The following CMYA5 variants were observed in gnomAD, a reference collection of about 807,000 sequenced individuals.
CMYA5 encodes the protein cardiomyopathy associated 5, also known as cardiomyopathy-associated protein 5.
In CMYA5, 246 loss-of-function variants were observed where a neutral mutation model predicts 318.9. The ratio of observed to expected loss-of-function variants is 0.77; its 90% confidence interval spans 0.70 to 0.86. The LOEUF is 0.86. Ranked by LOEUF, CMYA5 falls within the 40% of genes least tolerant of loss-of-function variation. CMYA5 has a pLI of 0.00. For synonymous variants in CMYA5, 1,641 were observed against 1,729.5 expected, an observed-to-expected ratio of 0.95 and a Z score of 1.27; for missense variants, 4,589 against 4,678.2, an observed-to-expected ratio of 0.98 and a Z score of 0.56.
At chr5:79,768,270 CT>C (rs1268197667) in intron 9 of CMYA5, among the ~76,000 whole-genome samples, 18 of 152,072 alleles carry the variant, frequency 1.2e-4, no homozygotes, top group African/African-American at 4.3e-4. Flanking sequence ...CAGTCTGTGT[CT>C]TTTAATTGGG....
rs1432635341 is a variant in CMYA5, at chr5:79,732,988, A to G, written c.4223A>G (p.Asp1408Gly). 3 of 1,613,304 alleles carry G rather than the reference A, an allele frequency of 1.9e-6. 1 individual carries two copies. In the South Asian group the frequency reaches 3.3e-5, roughly 18 times the overall value. The change falls in exon 2 of 13, where the codon GAT becomes GGT. Residue 1408 changes from aspartate (D) to glycine (G), a missense_variant. This residue lies in a region of CMYA5 where 2,132 missense variants were observed against 2,131.3 expected (regional missense o/e 1.00). Transcript: ENST00000446378. The stretch of plus-strand genomic sequence containing the variant: ...TTGCCACCACTGGTAACATCTGCAG[A>G]TGAACATTCAGTTCTTGCAGAAGAA... ...SGLPPLVTSA[D>G]EHSVLAEEDK...
At chr5:79,700,237 C>T (rs569017908) in intron 1 of CMYA5, among the ~76,000 whole-genome samples, 104 of 152,272 alleles carry the variant, frequency 6.8e-4, no homozygotes, top group Middle Eastern at 3.4e-3. Context: ...ATTCAGAAAC[C>T]CAGGCTTTAG....
rs778903751 is a variant in CMYA5 at position 79,733,435 on chromosome 5, T to C, written c.4670T>C (p.Ile1557Thr). ...SQNVSPASKH[I>T]IPKGKDEETA... is the part of the protein sequence containing the mutation. ...AATGTGTCACCTGCATCCAAACATA[T>C]AATCCCAAAAGGCAAAGATGAGGAA... The change falls in exon 2 of 13, where the codon ATA becomes ACA. Residue 1557 changes from isoleucine (I) to threonine (T), a missense_variant. This residue lies in a region of CMYA5 where 2,132 missense variants were observed against 2,131.3 expected (regional missense o/e 1.00). Coordinates refer to ENST00000446378, the MANE Select transcript of CMYA5 (RefSeq NM_153610.5). The C allele has an allele frequency of 5.0e-6, 8 of 1,613,730 alleles. No individual in the cohort carries two copies. The highest frequency in any genetic ancestry group is 5.1e-6 in the Non-Finnish European group (6 of 1,179,846).
At chr5:79,702,014 G>C (rs963586255) in intron 1 of CMYA5, among the ~76,000 whole-genome samples, 1 of 152,110 alleles carries the variant, frequency 6.6e-6, no homozygotes, top group African/African-American at 2.4e-5. Context: ...GTAGGCAGGA[G>C]AATGGCATGA....
At position 79,738,228 on chromosome 5, in the gene CMYA5, A is replaced by C. The variant is rs1253921507; in HGVS notation, c.9463A>C (p.Met3155Leu). 18 of 1,613,634 alleles carry C rather than the reference A, an allele frequency of 1.1e-5. No homozygotes were observed. Among genetic ancestry groups the C allele is most frequent in the Non-Finnish European group, 1.5e-5 (18 of 1,179,808 alleles). Residue 3155 changes from methionine to leucine, a missense_variant, in exon 2 of 13, where the codon ATG becomes CTG. Coordinates refer to ENST00000446378, the MANE Select transcript of CMYA5 (RefSeq NM_153610.5). ...AGATGTGGACTCAAAGTCACCGGGG[A>C]TGCCTTTATTTGAAGCAGAGGAAGG... is the stretch of plus-strand genomic sequence containing the variant. Reference protein sequence around the residue: ...KRDVDSKSPGMPLFEAEEGVL... With the variant: ...KRDVDSKSPGLPLFEAEEGVL...
chr5:79,699,720 G>A (rs1045323187), intron 1 of CMYA5, among the ~76,000 whole-genome samples: 1 of 152,168 alleles, frequency 6.6e-6, no homozygotes, highest in Non-Finnish European at 1.5e-5. Flanking sequence ...ACTGATAACT[G>A]CAGGAAGGGG....
At chr5:79,773,947 T>G (rs1222953192) in intron 9 of CMYA5, among the ~76,000 whole-genome samples, 1 of 152,194 alleles carries the variant, frequency 6.6e-6, no homozygotes, top group Non-Finnish European at 1.5e-5. Context: ...TAATATTAAA[T>G]CACACGCACA....
chr5:79,765,894 G>T (rs1706214063), intron 9 of CMYA5, among the ~76,000 whole-genome samples: 2 of 152,184 alleles, frequency 1.3e-5, no homozygotes, highest in Admixed American at 6.5e-5. Flanking sequence ...TTTAGGCTGA[G>T]ATGATGGGGT....
intron 9 of CMYA5, among the ~76,000 whole-genome samples, chr5:79,773,983 T>G (rs1332380748): frequency 9.2e-5 from 14 of 152,254 alleles, no homozygotes; most frequent in Non-Finnish European, 1.5e-5. Context: ...TTGGTTGTCC[T>G]CTAGATTGGA....
chr5:79,744,674 G>A (rs746780352), intron 3 of CMYA5, among the ~76,000 whole-genome samples: 1 of 152,224 alleles, frequency 6.6e-6, no homozygotes, highest in Non-Finnish European at 1.5e-5. Context: ...GTCCTTTTTA[G>A]GGAGTAAATT....
chr5:79,796,402 C>T (rs1343936823), intron 12 of CMYA5, among the ~76,000 whole-genome samples: 2 of 151,978 alleles, frequency 1.3e-5, no homozygotes, highest in East Asian at 3.8e-4. Flanking sequence ...AGAGATACAC[C>T]AGAGTACCAA....
chr5:79,700,100 C>T (rs1400479295), intron 1 of CMYA5, among the ~76,000 whole-genome samples: 1 of 152,218 alleles, frequency 6.6e-6, no homozygotes, highest in Non-Finnish European at 1.5e-5. Flanking sequence ...ATGGCAACCA[C>T]TCTTATATTT....
chr5:79,777,836 T>G (rs1828968686), intron 9 of CMYA5, among the ~76,000 whole-genome samples: 1 of 151,984 alleles, frequency 6.6e-6, no homozygotes, highest in African/African-American at 2.4e-5. Context: ...AAGAATATAA[T>G]TTAGGCCGGG....
chr5:79,746,998 G>C (rs1255654440), intron 4 of CMYA5, 93 bp from the exon 5 acceptor site: 7 of 776,986 alleles, frequency 9.0e-6, no homozygotes, highest in Non-Finnish European at 1.5e-5. Context: ...GCTCCTGGTT[G>C]TTTTTTCTTT....
chr5:79,768,245 CTT>C (rs1828790275), intron 9 of CMYA5, among the ~76,000 whole-genome samples: 1 of 152,046 alleles, frequency 6.6e-6, no homozygotes, highest in Non-Finnish European at 1.5e-5. Context: ...GGTCTTGACT[CTT>C]TATCCAATGT....
chr5:79,738,541 G>A lies in CMYA5; in HGVS notation c.9776G>A (p.Gly3259Asp). ...HDTSLTQKDQ[G>D]QGLEEKRVGK... ...ACATCTCTAACTCAAAAGGACCAGG[G>A]CCAAGGTCTGGAAGAAAAACGAGTT... The change falls in exon 2 of 13, where the codon GGC (glycine) becomes GAC (aspartate). Residue 3259 changes from glycine (G) to aspartate (D), a missense_variant. By Grantham distance (94) the Gly-to-Asp change is moderately conservative. Coordinates refer to ENST00000446378, the MANE Select transcript of CMYA5 (RefSeq NM_153610.5). The A allele has an allele frequency of 1.2e-6, 2 of 1,613,336 alleles. No individual in the cohort carries two copies. Among genetic ancestry groups the A allele is most frequent in the Non-Finnish European group, 1.7e-6 (2 of 1,179,858 alleles).
Position 79,738,434 on chromosome 5 carries a change from T to G in CMYA5, c.9669T>G (p.Phe3223Leu). ...ACAGTGTGAATTCTGAGGCATCATT[T>G]CCCAGCAGAAATTCTGACACTGATG... ...EGDSVNSEAS[F>L]PSRNSDTDDG... is the part of the protein sequence containing the mutation. The change falls in exon 2 of 13, where the codon TTT (phenylalanine) becomes TTG (leucine). Residue 3223 changes from phenylalanine (F) to leucine (L), a missense_variant. Around this residue, in one of 3 missense-constraint regions of CMYA5, gnomAD observed 2,431 missense variants for 2,495.1 expected, o/e 0.97. Transcript: ENST00000446378. 6.2e-7 allele frequency: 1 copy of G among 1,613,722 alleles called. No homozygotes were observed. The highest frequency in any genetic ancestry group is 1.3e-5 in the African/African-American group (1 of 75,020).
In CMYA5 at chr5:79,764,269, G is replaced by T. The variant is rs1828709096; in HGVS notation, c.11555+1060G>T. Among the ~76,000 whole-genome samples, 3 of 151,594 alleles carry T rather than the reference G, an allele frequency of 2.0e-5. No individual in the cohort carries two copies. In the South Asian group the frequency reaches 6.2e-4, roughly 32 times the overall value. On this transcript the variant is annotated intron_variant, in intron 9 of 12. Coordinates refer to ENST00000446378, the MANE Select transcript of CMYA5 (RefSeq NM_153610.5). ...ATGAGGTGTTTGGTTTTTTCTTCCT[G>T]TGTTAGTTTGCTGAGAATGATGGCT...
chr5:79,733,515 T>C lies in CMYA5; in HGVS notation c.4750T>C (p.Leu1584=), dbSNP rs184521826. ...TTTAGCATCAGGTTTAGCCCCAACATTACTGCTCCTCAGTGATGATAAGAA... is the reference window on the plus strand; with the variant it reads ...TTTAGCATCAGGTTTAGCCCCAACACTACTGCTCCTCAGTGATGATAAGAA... The part of the protein sequence containing the change: ...ENLASGLAPT[L]LLLSDDKNKP... Residue 1584 remains leucine (L), a synonymous_variant, in exon 2 of 13, where the codon TTA becomes CTA. Coordinates refer to ENST00000446378, the MANE Select transcript of CMYA5 (RefSeq NM_153610.5). The C allele has an allele frequency of 7.5e-5, 121 of 1,613,980 alleles. No individual in the cohort carries two copies. The African/African-American group carries it at 1.4e-3, about 19-fold the overall frequency.
Sources: allele counts gnomAD v4.1 joint callset (sites outside exome capture counted in the v4.1 genomes callset), GRCh38; gene constraint gnomAD v4.1.1; regional missense constraint gnomAD v4.1.1; transcripts MANE v1.5; gene names NCBI Gene and HGNC (gene_info 2026-07-23, HGNC 2026-07-21).